Variants in WDR7 observed in about 807,000 individuals in gnomAD.
The protein encoded by WDR7 is WD repeat-containing protein 7.
Under a neutral mutation model 169.4 loss-of-function variants are expected in WDR7, and 46 were observed. The observed-to-expected ratio is 0.27, with a 90% CI of 0.21 to 0.35. The LOEUF is 0.35. WDR7 is among the 10% of genes least tolerant of loss of function. The pLI is 1.00. For synonymous variants in WDR7, 612 were observed against 666.8 expected (o/e 0.92, Z 1.27); for missense variants, 1,534 against 1,859.3 (o/e 0.83, Z 3.22).
In WDR7 at chr18:56,696,620, G is replaced by A. The variant is rs186766307; in HGVS notation, c.1578+158G>A. Reference sequence around the variant, plus strand: ...AAACTAAAATAATAGTAACATTTAGGCAAAGTTACGGCCACTAACTATTGG... The same window carrying A: ...AAACTAAAATAATAGTAACATTTAGACAAAGTTACGGCCACTAACTATTGG... On this transcript the variant is annotated intron_variant, in intron 12 of 27. Transcript: ENST00000254442. 8.0e-4 allele frequency: 520 copies of A among 649,856 alleles called. 1 individual carries two copies. The African/African-American group carries it at 8.6e-3, about 11-fold the overall frequency. The allele number at this position is 649,856 out of a possible 1,614,324, so 40.3% of individuals were successfully genotyped here.
intron 20 of WDR7, among the ~76,000 whole-genome samples, chr18:56,844,357 C>T (rs564404636): frequency 7.9e-5 from 12 of 152,080 alleles, no homozygotes; most frequent in African/African-American, 2.4e-4. Flanking sequence ...TGTTCAGTGT[C>T]CTATTATTAG....
intron 26 of WDR7, among the ~76,000 whole-genome samples, chr18:57,002,901 A>G (rs949133872): frequency 6.6e-6 from 1 of 152,198 alleles, no homozygotes; most frequent in Non-Finnish European, 1.5e-5. Flanking sequence ...CTGCTGTTCA[A>G]GGTCACTCAC....
chr18:56,731,123 T>C (rs1369507818), intron 13 of WDR7, among the ~76,000 whole-genome samples: 1 of 152,056 alleles, frequency 6.6e-6, no homozygotes, highest in Non-Finnish European at 1.5e-5. Flanking sequence ...TGGAAAAGCC[T>C]GGAGAAGGTT....
At chr18:57,014,277 G>C (rs1402402679) in intron 26 of WDR7, among the ~76,000 whole-genome samples, 1 of 149,028 alleles carries the variant, frequency 6.7e-6, no homozygotes, top group East Asian at 2.0e-4. Flanking sequence ...AGTGAGCCGA[G>C]ATCGTGCCAT....
At chr18:56,678,656 C>T (rs2025293935) in intron 2 of WDR7, among the ~76,000 whole-genome samples, 1 of 152,122 alleles carries the variant, frequency 6.6e-6, no homozygotes, top group African/African-American at 2.4e-5. Context: ...GCCACCACGC[C>T]TGGCTAATTT....
intron 21 of WDR7, chr18:56,891,037 T>G (rs1213178042): frequency 6.6e-6 from 1 of 152,178 alleles, no homozygotes; most frequent in African/African-American, 2.4e-5. Flanking sequence ...ACTTCATATG[T>G]AATTTTGATG....
At chr18:56,693,269 T>C (rs547179885) in intron 9 of WDR7, among the ~76,000 whole-genome samples, 16 of 152,284 alleles carry the variant, frequency 1.1e-4, no homozygotes, top group African/African-American at 3.1e-4. Context: ...TTCTTTAATA[T>C]TCCAGTATTT....
chr18:56,990,031 T>G (rs1273448071), intron 26 of WDR7, among the ~76,000 whole-genome samples: 1 of 152,264 alleles, frequency 6.6e-6, no homozygotes, highest in Non-Finnish European at 1.5e-5. Context: ...ATAAGCTGAC[T>G]CCTTACTATT....
chr18:56,745,994 A>G lies in WDR7; in HGVS notation c.1990-10589A>G, dbSNP rs188229869. 2.2e-3 allele frequency among the ~76,000 whole-genome samples: 333 copies of G among 152,332 alleles called. 1 individual carries two copies. Among genetic ancestry groups the G allele is most frequent in the Non-Finnish European group, 3.8e-3 (259 of 68,032 alleles). ...CCAGCAAGTGTGTGAGTCAGGGACA[A>G]TGATTTCAAGGTTTAAACATTTTTT... On this transcript the variant is annotated intron_variant, in intron 14 of 27. Transcript: ENST00000254442.
At chr18:56,743,813 T>C (rs2043657587) in intron 14 of WDR7, among the ~76,000 whole-genome samples, 1 of 152,186 alleles carries the variant, frequency 6.6e-6, no homozygotes. Flanking sequence ...AGGAACGTTC[T>C]CGATCAGGAT....
intron 26 of WDR7, chr18:57,010,163 T>G (rs1398022672): frequency 1.0e-6 from 1 of 985,350 alleles, no homozygotes; most frequent in African/African-American, 1.7e-5. Flanking sequence ...AGTATAAGAC[T>G]TCTAGCATGT....
At chr18:56,925,918 CTAAT>C (rs1483265032) in intron 22 of WDR7, among the ~76,000 whole-genome samples, 1 of 152,110 alleles carries the variant, frequency 6.6e-6, no homozygotes, top group Admixed American at 6.6e-5. Flanking sequence ...CAAGTTGGGG[CTAAT>C]TAAAGTACCT....
At chr18:56,914,135 C>T (rs190272520) in intron 21 of WDR7, among the ~76,000 whole-genome samples, 153 of 152,366 alleles carry the variant, frequency 1.0e-3, no homozygotes, top group African/African-American at 3.6e-3. Context: ...TCCGGCCACA[C>T]TGGACGTTTT....
chr18:56,901,048 T>G (rs1390405602), intron 21 of WDR7, among the ~76,000 whole-genome samples: 1 of 152,158 alleles, frequency 6.6e-6, no homozygotes, highest in Admixed American at 6.6e-5. Flanking sequence ...CTAAATACAG[T>G]CTCATAAATC....
At chr18:56,970,775 A>G (rs1568293347) in intron 26 of WDR7, among the ~76,000 whole-genome samples, 1 of 152,216 alleles carries the variant, frequency 6.6e-6, no homozygotes, top group Non-Finnish European at 1.5e-5. Context: ...TGTATCATCC[A>G]GTATAGTTTC....
At chr18:56,942,048 C>T (rs928097071) in intron 25 of WDR7, among the ~76,000 whole-genome samples, 12 of 152,088 alleles carry the variant, frequency 7.9e-5, no homozygotes, top group South Asian at 2.1e-4. Context: ...TGTTATCAGT[C>T]GCAAAGCAGG....
At chr18:56,733,288 G>A (rs184403776) in intron 14 of WDR7, among the ~76,000 whole-genome samples, 10 of 152,280 alleles carry the variant, frequency 6.6e-5, no homozygotes, top group African/African-American at 9.6e-5. Context: ...TATAAAAAAT[G>A]TATGTTGGCT....
At chr18:56,771,266 G>A (rs529950667) in intron 16 of WDR7, among the ~76,000 whole-genome samples, 1 of 152,278 alleles carries the variant, frequency 6.6e-6, no homozygotes, top group Non-Finnish European at 1.5e-5. Flanking sequence ...GTACTTATAT[G>A]ATGTTCATTT....
chr18:57,023,525 C>T (rs1008781474), intron 27 of WDR7, among the ~76,000 whole-genome samples: 6 of 152,172 alleles, frequency 3.9e-5, no homozygotes, highest in Admixed American at 6.5e-5. Flanking sequence ...TGAATTATAG[C>T]TGTGTTTCTG....
Sources: allele counts gnomAD v4.1 joint callset (sites outside exome capture counted in the v4.1 genomes callset), GRCh38; gene constraint gnomAD v4.1.1; transcripts MANE v1.5; gene names NCBI Gene and HGNC (gene_info 2026-07-23, HGNC 2026-07-21).